MAPT: variants seen among roughly 807,000 people sequenced by gnomAD.
MAPT encodes microtubule associated protein tau.
In MAPT, 34 loss-of-function variants were observed where a neutral mutation model predicts 67.9. That is an observed-to-expected ratio of 0.50 (90% confidence interval 0.38 to 0.67). MAPT has a LOEUF of 0.67. MAPT is among the 30% of genes least tolerant of loss of function. The pLI is 0.00. For synonymous variants in MAPT, 456 were observed against 464.5 expected (o/e 0.98, Z 0.23); for missense variants, 881 against 1,115.2 (o/e 0.79, Z 2.99).
At chr17:45,904,089 TTA>T (rs1188683918) in intron 1 of MAPT, among the ~76,000 whole-genome samples, 1 of 24,316 alleles carries the variant, frequency 4.1e-5, no homozygotes, top group African/African-American at 1.8e-4. Flanking sequence ...TATTATATAT[TTA>T]TATATTATAT....
intron 1 of MAPT, among the ~76,000 whole-genome samples, chr17:45,898,958 C>G (rs2063450571): frequency 6.6e-6 from 1 of 152,182 alleles, no homozygotes; most frequent in South Asian, 2.1e-4. Flanking sequence ...CCCTCACACT[C>G]CCAGAAACAC....
At chr17:45,929,466 G>A (rs1236279936) in intron 1 of MAPT, among the ~76,000 whole-genome samples, 1 of 152,244 alleles carries the variant, frequency 6.6e-6, no homozygotes, top group Non-Finnish European at 1.5e-5. Context: ...AATAGACCCA[G>A]CTTAGGTACA....
At chr17:45,905,898 C>A (rs916529158) in intron 1 of MAPT, among the ~76,000 whole-genome samples, 2 of 152,228 alleles carry the variant, frequency 1.3e-5, no homozygotes, top group Non-Finnish European at 2.9e-5. Context: ...TCCCAGGAGC[C>A]GCAGTCAGGT....
At chr17:45,914,995 C>T (rs1473373633) in intron 1 of MAPT, among the ~76,000 whole-genome samples, 4 of 152,094 alleles carry the variant, frequency 2.6e-5, no homozygotes, top group African/African-American at 9.7e-5. Flanking sequence ...GAGATTAAAA[C>T]GTGAGTCACC....
chr17:46,022,913 A>G (rs2076619760), intron 12 of MAPT, among the ~76,000 whole-genome samples: 1 of 152,208 alleles, frequency 6.6e-6, no homozygotes, highest in Admixed American at 6.5e-5. Flanking sequence ...ATAGATAGAT[A>G]GATAAATAGA....
At chr17:46,022,027 T>G (rs1347900294) in intron 12 of MAPT, among the ~76,000 whole-genome samples, 3 of 152,154 alleles carry the variant, frequency 2.0e-5, no homozygotes, top group Non-Finnish European at 4.4e-5. Flanking sequence ...ATAAATATTT[T>G]TATCAAAGCC....
rs2069273047 is a variant in MAPT, at chr17:45,953,290, CTA to C, written c.-17-9029_-17-9028del. On this transcript the variant is annotated intron_variant, in intron 1 of 12. Transcript: ENST00000262410. The stretch of plus-strand genomic sequence containing the variant: ...CATCTTTCTGGGTCCTATTTTCTGC[CTA>C]TGTCAAGTAGCGCCTCAAGGATGCT... Among the ~76,000 whole-genome samples the C allele has an allele frequency of 2.6e-5, 4 of 152,340 alleles. No individual in the cohort carries two copies. In the South Asian group the frequency reaches 8.3e-4, roughly 32 times the overall value.
chr17:45,998,449 C>T (rs751671518), intron 9 of MAPT, among the ~76,000 whole-genome samples: 27 of 152,310 alleles, frequency 1.8e-4, no homozygotes, highest in African/African-American at 6.3e-4. Flanking sequence ...CTCCTCTCAT[C>T]GAGGAAAGGA....
intron 1 of MAPT, among the ~76,000 whole-genome samples, chr17:45,933,292 G>A (rs1234475259): frequency 6.9e-6 from 1 of 145,660 alleles, no homozygotes; most frequent in South Asian, 2.2e-4. Flanking sequence ...CACCCAGGCT[G>A]GAATGCAGTG....
Position 45,988,613 on chromosome 17 carries a change from T to C in MAPT, c.1408-1265T>C, listed in dbSNP as rs573907628. Among the ~76,000 whole-genome samples the C allele has an allele frequency of 4.0e-5, 6 of 151,398 alleles. 1 individual carries two copies. The highest frequency in any genetic ancestry group is 6.8e-3 in the Middle Eastern group (2 of 294). On this transcript the variant is annotated intron_variant, in intron 6 of 12. Coordinates refer to ENST00000262410, the MANE Select transcript of MAPT (RefSeq NM_001377265.1). ...AGCAGTGTTGTTTACACTGACAAAC[T>C]GAAAAAAAAAGAAAAAGAGATAACA... is the stretch of plus-strand genomic sequence containing the variant.
intron 1 of MAPT, among the ~76,000 whole-genome samples, chr17:45,901,454 T>C (rs1219299780): frequency 6.6e-6 from 1 of 152,212 alleles, no homozygotes; most frequent in Non-Finnish European, 1.5e-5. Flanking sequence ...ATTGGTAAAC[T>C]GGCAAACAGA....
intron 1 of MAPT, among the ~76,000 whole-genome samples, chr17:45,961,770 G>GT (rs1284715463): frequency 3.5e-5 from 5 of 142,460 alleles, no homozygotes; most frequent in African/African-American, 5.0e-5. Context: ...GGGTTTATTT[G>GT]TTTTGTTTTT....
chr17:45,999,313 T>C (rs578064858), intron 9 of MAPT: 2 of 1,613,698 alleles, frequency 1.2e-6, no homozygotes, highest in Admixed American at 1.7e-5. Context: ...CTCATGCATT[T>C]TTGCAGCCCC....
intron 12 of MAPT, among the ~76,000 whole-genome samples, chr17:46,021,428 G>A (rs559767521): frequency 2.0e-5 from 3 of 152,160 alleles, no homozygotes; most frequent in Non-Finnish European, 4.4e-5. Flanking sequence ...CAGCCTCGGG[G>A]CACTTTAAAG....
chr17:45,926,986 T>C (rs997622570), intron 1 of MAPT, among the ~76,000 whole-genome samples: 14 of 151,380 alleles, frequency 9.2e-5, no homozygotes, highest in African/African-American at 2.9e-4. Context: ...TGTATATATA[T>C]ACACACACAT....
rs576807877 is a variant in MAPT at position 46,010,118 on chromosome 17, C to T, written c.1999-192C>T. On this transcript the variant is annotated intron_variant, in intron 9 of 12. Coordinates refer to ENST00000262410, the MANE Select transcript of MAPT (RefSeq NM_001377265.1). The surrounding 1 kb of genome is among the most constrained non-coding windows in gnomAD (Gnocchi z 4.7). ...GAGCAGCCCTCTATCCCTTCAGCTCCCCTGGGATGTGACTCAACCTCCCGT... is the reference window on the plus strand; with the variant it reads ...GAGCAGCCCTCTATCCCTTCAGCTCTCCTGGGATGTGACTCAACCTCCCGT... Among the ~76,000 whole-genome samples, 1 of 152,210 alleles carries T rather than the reference C, an allele frequency of 6.6e-6. No homozygotes were observed. The highest frequency in any genetic ancestry group is 6.5e-5 in the Admixed American group (1 of 15,280).
At chr17:46,002,656 TG>T (rs1287010411) in intron 9 of MAPT, among the ~76,000 whole-genome samples, 1 of 151,604 alleles carries the variant, frequency 6.6e-6, no homozygotes, top group Non-Finnish European at 1.5e-5. Flanking sequence ...ACCTGAGCAG[TG>T]GGGCTTTGAA....
At chr17:45,900,942 T>C (rs55841786) in intron 1 of MAPT, among the ~76,000 whole-genome samples, 21,780 of 152,126 alleles carry the variant, frequency 0.14, 2,118 homozygotes, top group Middle Eastern at 0.22. Context: ...TCATCGGCGG[T>C]GTCCTGTGGA....
chr17:45,966,081 A>G (rs1374077379), intron 2 of MAPT, among the ~76,000 whole-genome samples: 1 of 152,208 alleles, frequency 6.6e-6, no homozygotes, highest in Non-Finnish European at 1.5e-5. Context: ...TGTGCCTCAT[A>G]TGGATTGTGC....
Sources: gnomAD v4.1 joint callset for allele counts (sites outside exome capture counted in the v4.1 genomes callset) on GRCh38, gnomAD v4.1.1 for gene constraint, Gnocchi (gnomAD v3.1) non-coding constraint, MANE v1.5 for transcripts, NCBI Gene and HGNC (gene_info 2026-07-23, HGNC 2026-07-21) for gene names.